Variants in MXI1 observed in about 807,000 individuals in gnomAD.
MXI1 encodes the protein max-interacting protein 1.
In MXI1, 18 loss-of-function variants were observed where a neutral mutation model predicts 36.9. The observed-to-expected ratio is 0.49, with a 90% CI of 0.34 to 0.72. The LOEUF (loss-of-function observed/expected upper bound fraction) is 0.72, where lower values mean the gene tolerates loss of function less well. Ranked by LOEUF, MXI1 falls within the 30% of genes least tolerant of loss-of-function variation. The pLI is 0.01. For missense variants in MXI1, 304 were observed against 379.1 expected (o/e 0.80, Z 1.64); for synonymous variants, 160 against 146.7 (o/e 1.09, Z -0.65).
intron 1 of MXI1, chr10:110,226,210 C>T: frequency 6.7e-7 from 1 of 1,482,044 alleles, no homozygotes; most frequent in Non-Finnish European, 8.9e-7. Context: ...CCGCGGTGCC[C>T]ATGGAGCGGG....
At position 110,209,341 on chromosome 10, in the gene MXI1, G is replaced by A. The variant is rs570922318; in HGVS notation, c.274+1259G>A. Among the ~76,000 whole-genome samples, 10 of 150,394 alleles carry A rather than the reference G, an allele frequency of 6.6e-5. No homozygotes were observed. In the South Asian group the frequency reaches 2.1e-3, roughly 31 times the overall value. On this transcript the variant is annotated intron_variant, in intron 1 of 5. Transcript: ENST00000332674. The stretch of plus-strand genomic sequence containing the variant: ...TGTACGTGTGCGCGTGTGTGTGTGA[G>A]AGAGAGAGAAAGAAAGAAGAAAGGT...
intron 3 of MXI1, among the ~76,000 whole-genome samples, chr10:110,264,076 AGTGTGTGT>A (rs34472977): frequency 2.0e-5 from 3 of 150,700 alleles, no homozygotes; most frequent in Non-Finnish European, 4.4e-5. Flanking sequence ...ATAATTTAAA[AGTGTGTGT>A]GTGTGTGTGT....
intron 2 of MXI1, among the ~76,000 whole-genome samples, chr10:110,235,335 C>G (rs970052251): frequency 1.6e-4 from 24 of 152,126 alleles, no homozygotes; most frequent in Non-Finnish European, 2.8e-4. Context: ...TTACTCTCAT[C>G]TCTGAGTACT....
At chr10:110,254,880 A>G (rs1445260724) in intron 3 of MXI1, among the ~76,000 whole-genome samples, 1 of 152,216 alleles carries the variant, frequency 6.6e-6, no homozygotes, top group Non-Finnish European at 1.5e-5. Context: ...TCTCCATACA[A>G]AAGTACAAAG....
Position 110,208,000 on chromosome 10 carries a change from G to T in MXI1, c.192G>T (p.Lys64Asn), listed in dbSNP as rs376002403. 1.9e-6 allele frequency: 3 copies of T among 1,603,822 alleles called. No individual in the cohort carries two copies. The highest frequency in any genetic ancestry group is 2.6e-6 in the Non-Finnish European group (3 of 1,175,402). ...ACACCAGCGAGAACTCGATGGAGAA[G>T]CACATCAACACTTTTCTGCAGAACG... ...IFNTSENSMEKHINTFLQNVQ... is the reference protein window; with the variant it reads ...IFNTSENSMENHINTFLQNVQ... Residue 64 changes from lysine to asparagine, a missense_variant, in exon 1 of 6, where the codon AAG becomes AAT. Physicochemically the swap from Lys to Asn is moderately conservative, Grantham distance 94. Transcript: ENST00000332674.
At chr10:110,229,846 TA>T (rs1449862905) in intron 2 of MXI1, among the ~76,000 whole-genome samples, 2 of 151,438 alleles carry the variant, frequency 1.3e-5, no homozygotes, top group Non-Finnish European at 2.9e-5. Flanking sequence ...CCACATAGAT[TA>T]AAAAACTTTT....
rs185501133 is a variant in MXI1, at chr10:110,263,682, A to C, written c.438-15498A>C. Among the ~76,000 whole-genome samples the C allele has an allele frequency of 1.7e-3, 261 of 152,336 alleles. 2 individuals are homozygous for C. The highest frequency in any genetic ancestry group is 2.0e-3 in the Non-Finnish European group (136 of 68,036). On this transcript the variant is annotated intron_variant, in intron 3 of 5. Coordinates refer to ENST00000332674, the MANE Select transcript of MXI1 (RefSeq NM_130439.3). ...TGTCTAAATAGCTCTATAATTTGAT[A>C]TAGCATCTTTGTAGATTTCAGCTTG...
intron 1 of MXI1, among the ~76,000 whole-genome samples, chr10:110,215,043 G>GTTTTTTTTTTTTTTTTTTTTT: frequency 1.3e-5 from 1 of 78,904 alleles, no homozygotes; most frequent in Non-Finnish European, 2.4e-5. Context: ...TTTTTTTTTT[G>GTTTTTTTTTTTTTTTTTTTTT]TTTTTTTTTT....
At chr10:110,217,856 C>A (rs1405720053) in intron 1 of MXI1, among the ~76,000 whole-genome samples, 1 of 152,210 alleles carries the variant, frequency 6.6e-6, no homozygotes, top group Non-Finnish European at 1.5e-5. Flanking sequence ...AGTGCAATGT[C>A]TTCTCTGTTT....
intron 3 of MXI1, among the ~76,000 whole-genome samples, chr10:110,254,169 C>T (rs556086676): frequency 2.0e-5 from 3 of 152,192 alleles, no homozygotes; most frequent in East Asian, 1.9e-4. Flanking sequence ...AATTTCTAAT[C>T]GCATATGTTC....
intron 3 of MXI1, among the ~76,000 whole-genome samples, chr10:110,274,234 A>G (rs1590402581): frequency 6.6e-6 from 1 of 152,224 alleles, no homozygotes; most frequent in Non-Finnish European, 1.5e-5. Flanking sequence ...TTTATCCCAC[A>G]AGGGGCTTGC....
chr10:110,226,374 G>A (rs1854968493), intron 1 of MXI1: 1 of 1,344,836 alleles, frequency 7.4e-7, no homozygotes. Flanking sequence ...CGCGTGTGAG[G>A]TGCGCGCATG....
chr10:110,283,339 C>G (rs1047374729), intron 5 of MXI1, among the ~76,000 whole-genome samples: 3 of 151,564 alleles, frequency 2.0e-5, no homozygotes, highest in African/African-American at 7.3e-5. Flanking sequence ...TCTTGGCTCA[C>G]TGCAACCTCT....
chr10:110,247,010 T>G (rs1241085155), intron 3 of MXI1, among the ~76,000 whole-genome samples: 1 of 152,178 alleles, frequency 6.6e-6, no homozygotes, highest in African/African-American at 2.4e-5. Context: ...GTGGCTTTTA[T>G]AGTTATTTCA....
At chr10:110,216,774 C>T (rs993486132) in intron 1 of MXI1, among the ~76,000 whole-genome samples, 1 of 148,128 alleles carries the variant, frequency 6.8e-6, no homozygotes, top group African/African-American at 2.5e-5. Flanking sequence ...TCAAGTGATC[C>T]TCCTGCCTCA....
At chr10:110,278,846 A>G (rs1209081222) in intron 3 of MXI1, among the ~76,000 whole-genome samples, 1 of 152,142 alleles carries the variant, frequency 6.6e-6, no homozygotes, top group Non-Finnish European at 1.5e-5. Context: ...GGTTTTAGTT[A>G]TTCAAGATCA....
At chr10:110,272,213 T>C (rs543616307) in intron 3 of MXI1, among the ~76,000 whole-genome samples, 1 of 152,316 alleles carries the variant, frequency 6.6e-6, no homozygotes, top group African/African-American at 2.4e-5. Flanking sequence ...GAAATGCTCA[T>C]TGGAGCATAT....
chr10:110,273,041 CTTTTTTTTT>C (rs771024820), intron 3 of MXI1, among the ~76,000 whole-genome samples: 1 of 110,864 alleles, frequency 9.0e-6, no homozygotes, highest in Admixed American at 1.0e-4. Context: ...GCTTGTTTAG[CTTTTTTTTT>C]TTTTTTTTTT....
chr10:110,227,751 C>T (rs146024501), intron 1 of MXI1: 2 of 187,542 alleles, frequency 1.1e-5, no homozygotes, highest in South Asian at 1.1e-4. Context: ...ACTGTGGTGT[C>T]GAGAGAGAAA....
Sources: gnomAD v4.1 joint callset for allele counts (sites outside exome capture counted in the v4.1 genomes callset) on GRCh38, gnomAD v4.1.1 for gene constraint, MANE v1.5 for transcripts, NCBI Gene and HGNC (gene_info 2026-07-23, HGNC 2026-07-21) for gene names.